ZMYM2: variants seen among roughly 807,000 people sequenced by gnomAD.
ZMYM2 encodes the protein zinc finger MYM-type containing 2.
ZMYM2 carries 56 observed loss-of-function variants against 162.8 expected under a neutral mutation model. The observed-to-expected ratio is 0.34, with a 90% CI of 0.28 to 0.43. The LOEUF is 0.43. Ranked by LOEUF, ZMYM2 falls within the 20% of genes least tolerant of loss-of-function variation. The pLI is 1.00. For missense variants in ZMYM2, 1,275 were observed against 1,621.8 expected (o/e 0.79, Z 3.67); for synonymous variants, 510 against 541.6 (o/e 0.94, Z 0.81).
the ZMYM2 span, among the ~76,000 whole-genome samples, chr13:19,950,718 T>A: frequency 2.0e-5 from 3 of 152,358 alleles, no homozygotes; most frequent in South Asian, 6.2e-4. Context: ...TTAAATTTAA[T>A]TTGTCTAAAG....
the ZMYM2 span, among the ~76,000 whole-genome samples, chr13:19,900,816 G>C: frequency 6.6e-6 from 1 of 152,038 alleles, no homozygotes; most frequent in African/African-American, 2.4e-5. Flanking sequence ...GGCAGATCAC[G>C]AGGTCAGGAG....
At chr13:20,032,318 C>T (rs111850519) in intron 10 of ZMYM2, among the ~76,000 whole-genome samples, 1 of 151,318 alleles carries the variant, frequency 6.6e-6, no homozygotes, top group African/African-American at 2.4e-5. Context: ...CATAAGGGGG[C>T]AGTAATAGAT....
intron 8 of ZMYM2, among the ~76,000 whole-genome samples, 196 bp from the exon 9 acceptor site, chr13:20,027,007 T>G (rs923061223): frequency 6.6e-6 from 1 of 152,144 alleles, no homozygotes; most frequent in Non-Finnish European, 1.5e-5. Context: ...TTTCTCTATA[T>G]CTATGTATGT....
At position 20,005,107 on chromosome 13, in the gene ZMYM2, T is replaced by C. The variant is rs574764222; in HGVS notation, c.1167T>C (p.Ala389=). ...DITTMKGTIV[A]QVDSSESFQE... is the part of the protein sequence containing the mutation. ...CTACAATGAAAGGAACCATTGTTGCTCAAGTGGATTCAAGTGAGTCCTTCC... is the reference window on the plus strand; with the variant it reads ...CTACAATGAAAGGAACCATTGTTGCCCAAGTGGATTCAAGTGAGTCCTTCC... Residue 389 remains alanine, a synonymous_variant, in exon 5 of 25, where the codon GCT becomes GCC. Transcript: ENST00000610343. The C allele has an allele frequency of 2.5e-6, 4 of 1,607,582 alleles. No individual in the cohort carries two copies. The highest frequency in any genetic ancestry group is 3.4e-6 in the Non-Finnish European group (4 of 1,177,986).
the ZMYM2 span, among the ~76,000 whole-genome samples, chr13:19,893,567 A>G: frequency 5.3e-5 from 8 of 151,884 alleles, no homozygotes; most frequent in South Asian, 1.2e-3. Flanking sequence ...GTGAAGCCCC[A>G]TCTCTGCTAA....
In ZMYM2 at chr13:20,086,778, T is replaced by TATAC. The variant is rs1222888286; in HGVS notation, c.*767_*768insCATA. 2.0e-5 allele frequency: 3 copies of TATAC among 149,126 alleles called. No individual in the cohort carries two copies. Among genetic ancestry groups the TATAC allele is most frequent in the Non-Finnish European group, 1.5e-5 (1 of 68,218 alleles). 9.2% of individuals were successfully genotyped at this position (149,126 alleles called of 1,614,324 possible). A position where few individuals can be genotyped will look rare whatever the true frequency, so the allele number is the denominator to read the frequency against. On this transcript the variant is annotated 3_prime_UTR_variant, in exon 25 of 25. Coordinates refer to ENST00000610343, the MANE Select transcript of ZMYM2 (RefSeq NM_197968.4). Reference sequence around the variant, plus strand: ...ATGTATGTATGTGTGTGTGTATATATATATATATATATATATATATAAATG... The same window carrying TATAC: ...ATGTATGTATGTGTGTGTGTATATATATACATATATATATATATATATATAAATG...
At chr13:19,904,608 G>A in the ZMYM2 span, among the ~76,000 whole-genome samples, 1 of 152,122 alleles carries the variant, frequency 6.6e-6, no homozygotes, top group South Asian at 2.1e-4. Context: ...AACAAATTGA[G>A]CAAACCAAAA....
At chr13:19,993,032 A>G in intron 2 of ZMYM2, 31 bp from the exon 3 acceptor site, 2 of 1,534,826 alleles carry the variant, frequency 1.3e-6, no homozygotes, top group Middle Eastern at 1.8e-4. Context: ...TCATACTGAC[A>G]TTTTAATTCT....
At chr13:20,024,959 T>A (rs1431969205) in intron 7 of ZMYM2, 1 of 215,144 alleles carries the variant, frequency 4.6e-6, no homozygotes, top group African/African-American at 2.3e-5. Flanking sequence ...GAACATGCAT[T>A]CCTGGCACAT....
At position 20,061,250 on chromosome 13, in the gene ZMYM2, C is replaced by A; in HGVS notation, c.2911+26C>A. Reference sequence around the variant, plus strand: ...GTGAGCTACACTAAATTATACCTTGCGAATAAGTGTTAACATTGGTTATTT... The same window carrying A: ...GTGAGCTACACTAAATTATACCTTGAGAATAAGTGTTAACATTGGTTATTT... On this transcript the variant is annotated intron_variant, in intron 17 of 24. Transcript: ENST00000610343. 3 of 1,605,698 alleles carry A rather than the reference C, an allele frequency of 1.9e-6. No homozygotes were observed. In the South Asian group the frequency reaches 3.3e-5, roughly 18 times the overall value.
the ZMYM2 span, among the ~76,000 whole-genome samples, chr13:19,916,967 T>C: frequency 6.6e-6 from 1 of 152,166 alleles, no homozygotes; most frequent in Non-Finnish European, 1.5e-5. Context: ...TTTATTTATT[T>C]ATTTATTTAT....
the ZMYM2 span, among the ~76,000 whole-genome samples, chr13:19,941,720 CTTTTTTTTT>C: frequency 1.6e-5 from 1 of 63,004 alleles, no homozygotes; most frequent in East Asian, 5.5e-4. Flanking sequence ...TGGCTTTCTG[CTTTTTTTTT>C]TTTTTTTTTT....
rs1369025326 is a variant in ZMYM2, at chr13:20,062,932, T to C, written c.2998T>C (p.Tyr1000His). The stretch of plus-strand genomic sequence containing the variant: ...ACAGTCCAGCATGCCTGATGTACCA[T>C]ATGAACCAGATTTGGATATCGAAAT... ...ETQSSMPDVPYEPDLDIEIDF... is the reference protein window; with the variant it reads ...ETQSSMPDVPHEPDLDIEIDF... The change falls in exon 18 of 25, where the codon TAT becomes CAT. Residue 1000 changes from tyrosine (Y) to histidine (H), a missense_variant. Tyr to His is a moderately conservative substitution (Grantham distance 83, BLOSUM62 2). Transcript: ENST00000610343. 6.2e-7 allele frequency: 1 copy of C among 1,604,734 alleles called. No individual in the cohort carries two copies.
chr13:20,079,517 T>C (rs1485134825), intron 21 of ZMYM2, among the ~76,000 whole-genome samples: 2 of 152,100 alleles, frequency 1.3e-5, no homozygotes, highest in East Asian at 1.9e-4. Context: ...TAGATTCTCA[T>C]TGGTTGCAAG....
At chr13:19,968,471 A>G (rs1157034075) in intron 2 of ZMYM2, among the ~76,000 whole-genome samples, 3 of 152,160 alleles carry the variant, frequency 2.0e-5, no homozygotes, top group Non-Finnish European at 4.4e-5. Flanking sequence ...CATGTTAGCT[A>G]GGCTGGTCTC....
At chr13:19,972,078 A>G (rs1375383625) in intron 2 of ZMYM2, among the ~76,000 whole-genome samples, 1 of 152,154 alleles carries the variant, frequency 6.6e-6, no homozygotes, top group Non-Finnish European at 1.5e-5. Flanking sequence ...ACCTCTAGAA[A>G]TTCTACACCC....
At chr13:19,947,027 AT>A in the ZMYM2 span, among the ~76,000 whole-genome samples, 1 of 151,020 alleles carries the variant, frequency 6.6e-6, no homozygotes, top group Admixed American at 6.6e-5. Context: ...TTTTTATTTT[AT>A]TTTTATTTTT....
the ZMYM2 span, among the ~76,000 whole-genome samples, chr13:19,945,781 A>G: frequency 2.7e-5 from 4 of 149,736 alleles, no homozygotes; most frequent in African/African-American, 7.3e-5. Flanking sequence ...TGTCTCTACT[A>G]AAAAAAAATA....
At chr13:19,978,071 G>A (rs564677468) in intron 2 of ZMYM2, among the ~76,000 whole-genome samples, 20 of 151,918 alleles carry the variant, frequency 1.3e-4, no homozygotes, top group African/African-American at 4.8e-4. Flanking sequence ...TAGAGACGGG[G>A]TTTCATCGAG....
Sources: gnomAD v4.1 joint callset for allele counts (sites outside exome capture counted in the v4.1 genomes callset) on GRCh38, gnomAD v4.1.1 for gene constraint, MANE v1.5 for transcripts, NCBI Gene and HGNC (gene_info 2026-07-23, HGNC 2026-07-21) for gene names.